Variants in ADARB2 observed in about 807,000 individuals in gnomAD.
ADARB2 encodes the protein inactive double-stranded RNA-specific editase B2.
Under a neutral mutation model 62.2 loss-of-function variants are expected in ADARB2, and 25 were observed. The observed-to-expected ratio is 0.40, with a 90% CI of 0.29 to 0.56. The LOEUF is 0.56. ADARB2 is among the 20% of genes least tolerant of loss of function. The pLI is 0.43. For synonymous variants in ADARB2, 572 were observed against 500.8 expected (o/e 1.14, Z -1.90); for missense variants, 1,071 against 1,077.4 (o/e 0.99, Z 0.08).
At chr10:1,628,754 T>C (rs1488455486) in intron 1 of ADARB2, among the ~76,000 whole-genome samples, 2 of 152,240 alleles carry the variant, frequency 1.3e-5, no homozygotes, top group East Asian at 3.8e-4. Context: ...ACAAAGACTT[T>C]CCTGGTGTGT....
chr10:1,481,660 C>T (rs536241387), intron 1 of ADARB2, among the ~76,000 whole-genome samples: 5 of 151,974 alleles, frequency 3.3e-5, no homozygotes, highest in South Asian at 2.1e-4. Context: ...AGTTCAAGAC[C>T]AGCCTGGCCA....
intron 1 of ADARB2, among the ~76,000 whole-genome samples, chr10:1,651,681 A>C (rs1427969850): frequency 3.3e-5 from 5 of 152,072 alleles, no homozygotes; most frequent in African/African-American, 1.2e-4. Flanking sequence ...CATTTCGTGC[A>C]GAATAAATGA....
Position 1,255,560 on chromosome 10 carries a change from G to T in ADARB2, c.1193-13261C>A, listed in dbSNP as rs1186467643. Among the ~76,000 whole-genome samples, 1 of 152,248 alleles carries T rather than the reference G, an allele frequency of 6.6e-6. No homozygotes were observed. Among genetic ancestry groups the T allele is most frequent in the Non-Finnish European group, 1.5e-5 (1 of 68,046 alleles). On this transcript the variant is annotated intron_variant, in intron 4 of 9. Transcript: ENST00000381312. This position sits in a 1 kb window ranked among gnomAD's most constrained non-coding sequence, Gnocchi z 4.7. ...TACAACCCAAAGAGGGTCAGGCCAT[G>T]GACAGGGATGTGACCAGATGTCAGC...
At chr10:1,345,298 G>A (rs1254536310) in intron 3 of ADARB2, among the ~76,000 whole-genome samples, 1 of 152,218 alleles carries the variant, frequency 6.6e-6, no homozygotes, top group Non-Finnish European at 1.5e-5. Flanking sequence ...GGTGCTCAGA[G>A]AAGCTCCCTC....
At chr10:1,647,736 GTATA>G (rs1367109328) in intron 1 of ADARB2, among the ~76,000 whole-genome samples, 1 of 151,804 alleles carries the variant, frequency 6.6e-6, no homozygotes, top group East Asian at 1.9e-4. Context: ...ATGCATATGT[GTATA>G]TATGTATGTG....
intron 1 of ADARB2, among the ~76,000 whole-genome samples, chr10:1,673,012 C>T (rs2119105701): frequency 6.6e-6 from 1 of 152,232 alleles, no homozygotes; most frequent in Non-Finnish European, 1.5e-5. Context: ...CCGGAGGGGA[C>T]CAGGGGGATG....
At chr10:1,560,882 C>G (rs1832778222) in intron 1 of ADARB2, among the ~76,000 whole-genome samples, 1 of 152,184 alleles carries the variant, frequency 6.6e-6, no homozygotes, top group African/African-American at 2.4e-5. Flanking sequence ...GAGAAAATGT[C>G]CTCTCTTCCA....
intron 8 of ADARB2, among the ~76,000 whole-genome samples, chr10:1,190,146 C>T (rs918327144): frequency 6.6e-6 from 1 of 151,458 alleles, no homozygotes. Context: ...GGAGTCTGAA[C>T]TCAGAAAACA....
intron 1 of ADARB2, among the ~76,000 whole-genome samples, chr10:1,669,279 G>A (rs1206835672): frequency 6.6e-6 from 1 of 152,174 alleles, no homozygotes; most frequent in Admixed American, 6.5e-5. Flanking sequence ...TCCCAGGGGG[G>A]TTGACACCAA....
chr10:1,459,322 C>T (rs1055971383), intron 1 of ADARB2, among the ~76,000 whole-genome samples: 11 of 152,208 alleles, frequency 7.2e-5, no homozygotes, highest in Admixed American at 6.5e-4. Flanking sequence ...GGTACATATA[C>T]ACCATGGCGT....
intron 1 of ADARB2, among the ~76,000 whole-genome samples, chr10:1,453,308 A>G (rs1236013380): frequency 6.6e-6 from 1 of 152,002 alleles, no homozygotes; most frequent in East Asian, 1.9e-4. Context: ...TTGTTTCTTG[A>G]GCTTTTGGTG....
intron 7 of ADARB2, among the ~76,000 whole-genome samples, chr10:1,213,593 G>A (rs143720886): frequency 1.3e-5 from 2 of 152,308 alleles, no homozygotes; most frequent in East Asian, 1.9e-4. Context: ...GTTCTAACCC[G>A]GCAGGTGCTT....
At chr10:1,729,900 G>A (rs1407321999) in intron 1 of ADARB2, among the ~76,000 whole-genome samples, 3 of 152,204 alleles carry the variant, frequency 2.0e-5, no homozygotes, top group Admixed American at 2.0e-4. Context: ...ATGAGGCAGA[G>A]CTTCTGTCTG....
chr10:1,601,100 A>G (rs921227161), intron 1 of ADARB2, among the ~76,000 whole-genome samples: 2 of 152,214 alleles, frequency 1.3e-5, no homozygotes, highest in Non-Finnish European at 2.9e-5. Context: ...ACAGGTTTGC[A>G]TTGGCCACAG....
At chr10:1,468,769 G>A (rs1438171862) in intron 1 of ADARB2, among the ~76,000 whole-genome samples, 1 of 152,242 alleles carries the variant, frequency 6.6e-6, no homozygotes, top group Non-Finnish European at 1.5e-5. Context: ...GAAGCGACGG[G>A]GCGTGCATGG....
In ADARB2 at chr10:1,668,548, G is replaced by A. The variant is rs138274545; in HGVS notation, c.100+68503C>T. On this transcript the variant is annotated intron_variant, in intron 1 of 9. Transcript: ENST00000381312. ...ATTAGAAGCAGTGGTGGGGCTGATC[G>A]GCTCACTGGAGGTCAGGAAAAGTGG... Among the ~76,000 whole-genome samples the A allele has an allele frequency of 3.4e-3, 517 of 152,242 alleles. 4 individuals are homozygous for A. The highest frequency in any genetic ancestry group is 0.012 in the African/African-American group (486 of 41,526).
In ADARB2 at chr10:1,605,385, C is replaced by T. The variant is rs1012540409; in HGVS notation, c.100+131666G>A. On this transcript the variant is annotated intron_variant, in intron 1 of 9. Transcript: ENST00000381312. Reference sequence around the variant, plus strand: ...TCTCTCAGAGGCATTGCCCAGGGAGCGAGGTGGGCCTGGAGACCACTGGTG... The same window carrying T: ...TCTCTCAGAGGCATTGCCCAGGGAGTGAGGTGGGCCTGGAGACCACTGGTG... Among the ~76,000 whole-genome samples the T allele has an allele frequency of 4.6e-5, 7 of 152,210 alleles. No homozygotes were observed. The East Asian group carries it at 5.8e-4, about 13-fold the overall frequency.
At chr10:1,423,722 A>T (rs1021524379) in intron 1 of ADARB2, among the ~76,000 whole-genome samples, 1 of 151,994 alleles carries the variant, frequency 6.6e-6, no homozygotes, top group Admixed American at 6.5e-5. Context: ...CTATGTATGC[A>T]GTAAGATCAC....
intron 3 of ADARB2, among the ~76,000 whole-genome samples, chr10:1,301,941 C>T (rs915369395): frequency 6.6e-6 from 1 of 152,148 alleles, no homozygotes; most frequent in African/African-American, 2.4e-5. Context: ...CTGGAGCCCA[C>T]GGTTCACAGG....
Sources: allele counts gnomAD v4.1 joint callset (sites outside exome capture counted in the v4.1 genomes callset), GRCh38; gene constraint gnomAD v4.1.1; non-coding constraint Gnocchi (gnomAD v3.1); transcripts MANE v1.5; gene names NCBI Gene and HGNC (gene_info 2026-07-23, HGNC 2026-07-21).